Variants in GARIN1A observed in about 807,000 individuals in gnomAD.
GARIN1A encodes the protein golgi associated RAB2 interactor 1A, also known as Golgi-associated RAB2 interactor protein 1A.
At chr7:128,689,095 A>C in the GARIN1A span, among the ~76,000 whole-genome samples, 1 of 151,496 alleles carries the variant, frequency 6.6e-6, no homozygotes, top group African/African-American at 2.4e-5. Context: ...AGTCTTGTTC[A>C]CTCAGTGCTC....
chr7:128,675,680 T>G, the GARIN1A span: 4 of 1,613,592 alleles, frequency 2.5e-6, no homozygotes, highest in South Asian at 1.1e-5. Flanking sequence ...TCCAGGTCAC[T>G]AAGCCCGGGA....
chr7:128,686,424 G>T, the GARIN1A span: 2 of 152,104 alleles, frequency 1.3e-5, no homozygotes, highest in Admixed American at 1.3e-4. Flanking sequence ...AGAGGTTCAA[G>T]AACTTGCTTA....
chr7:128,680,219 C>T, the GARIN1A span: 2 of 795,998 alleles, frequency 2.5e-6, no homozygotes, highest in Non-Finnish European at 4.0e-6. Context: ...ACGAACCTAT[C>T]TCAGTTCCTT....
chr7:128,691,712 A>G, the GARIN1A span: 1 of 152,222 alleles, frequency 6.6e-6, no homozygotes, highest in African/African-American at 2.4e-5. Context: ...ACTTGCTTTC[A>G]CTTTATGGAC....
chr7:128,703,038 A>C, the GARIN1A span, among the ~76,000 whole-genome samples: 3 of 152,250 alleles, frequency 2.0e-5, no homozygotes, highest in Non-Finnish European at 2.9e-5. Context: ...GAGCTTCAAA[A>C]TACTTGAGAC....
At chr7:128,678,840 A>T in the GARIN1A span, among the ~76,000 whole-genome samples, 1 of 151,732 alleles carries the variant, frequency 6.6e-6, no homozygotes. Flanking sequence ...TGTGTATCTT[A>T]TTACAATTAA....
the GARIN1A span, among the ~76,000 whole-genome samples, chr7:128,692,406 T>G: frequency 6.6e-6 from 1 of 152,252 alleles, no homozygotes; most frequent in East Asian, 1.9e-4. Flanking sequence ...ATCCTTGAAG[T>G]TGATTTCTCA....
At chr7:128,702,604 C>T in the GARIN1A span, among the ~76,000 whole-genome samples, 5 of 151,980 alleles carry the variant, frequency 3.3e-5, no homozygotes, top group African/African-American at 7.3e-5. Context: ...TCAATAACCC[C>T]CCCAAAAGGC....
At chr7:128,702,508 T>G in the GARIN1A span, among the ~76,000 whole-genome samples, 1 of 152,164 alleles carries the variant, frequency 6.6e-6, no homozygotes, top group Non-Finnish European at 1.5e-5. Context: ...CCACTAAAAT[T>G]TCTTGAAAAT....
chr7:128,682,968 A>G, the GARIN1A span: 1 of 1,594,688 alleles, frequency 6.3e-7, no homozygotes, highest in East Asian at 2.2e-5. Context: ...CTACAGGAAC[A>G]ATGACACTGC....
At chr7:128,687,738 T>C in the GARIN1A span, 4 of 152,312 alleles carry the variant, frequency 2.6e-5, no homozygotes, top group African/African-American at 9.6e-5. Context: ...GTTGTAAAAA[T>C]TACTGAGCCC....
the GARIN1A span, chr7:128,677,900 T>G: frequency 8.6e-7 from 1 of 1,160,084 alleles, no homozygotes; most frequent in Non-Finnish European, 1.2e-6. Flanking sequence ...TAGACTTGTT[T>G]CCATGTCTTT....
the GARIN1A span, chr7:128,683,270 C>G: frequency 1.3e-6 from 1 of 766,974 alleles, no homozygotes; most frequent in Non-Finnish European, 2.0e-6. Flanking sequence ...GATGGTGTTT[C>G]CAACAAGGTG....
At chr7:128,677,937 G>A in the GARIN1A span, 2 of 782,920 alleles carry the variant, frequency 2.6e-6, no homozygotes, top group Non-Finnish European at 3.8e-6. Flanking sequence ...ATATCATTTT[G>A]ATAATTTCTA....
At chr7:128,689,994 A>G in the GARIN1A span, among the ~76,000 whole-genome samples, 10 of 152,316 alleles carry the variant, frequency 6.6e-5, no homozygotes, top group South Asian at 2.1e-3. Context: ...AAAGTTAGAG[A>G]AATCAGATTG....
the GARIN1A span, among the ~76,000 whole-genome samples, chr7:128,676,423 ATGTG>A: frequency 6.7e-6 from 1 of 148,678 alleles, no homozygotes; most frequent in African/African-American, 2.5e-5. Flanking sequence ...TTTTCTGTAA[ATGTG>A]TGTGTGTGTG....
chr7:128,698,058 A>G, the GARIN1A span, among the ~76,000 whole-genome samples: 1 of 152,066 alleles, frequency 6.6e-6, no homozygotes, highest in South Asian at 2.1e-4. Context: ...TTCCTTGTAT[A>G]TTACAGTTGG....
chr7:128,677,489 A>T, the GARIN1A span: 119 of 1,369,966 alleles, frequency 8.7e-5, no homozygotes, highest in East Asian at 3.1e-3. Flanking sequence ...CCTCGGCGGC[A>T]GCGAGACTCC....
At chr7:128,695,626 G>A in the GARIN1A span, among the ~76,000 whole-genome samples, 18 of 151,800 alleles carry the variant, frequency 1.2e-4, no homozygotes, top group Non-Finnish European at 2.5e-4. The surrounding 1 kb of genome is among the most constrained non-coding windows in gnomAD (Gnocchi z 4.5). Context: ...CTGCAGCCTC[G>A]TCCTCCCAGG....
Sources: allele counts gnomAD v4.1 joint callset (sites outside exome capture counted in the v4.1 genomes callset), GRCh38; gene constraint gnomAD v4.1.1; non-coding constraint Gnocchi (gnomAD v3.1); transcripts MANE v1.5; gene names NCBI Gene and HGNC (gene_info 2026-07-23, HGNC 2026-07-21).